Variants in POLG observed in about 807,000 individuals in gnomAD.
POLG encodes DNA polymerase gamma, catalytic subunit.
In POLG, 110 loss-of-function variants were observed where a neutral mutation model predicts 155.4. The ratio of observed to expected loss-of-function variants is 0.71; its 90% CI spans 0.61 to 0.83. The LOEUF (loss-of-function observed/expected upper bound fraction) is 0.83, where lower values mean the gene tolerates loss of function less well. Among genes scored for constraint, POLG ranks in the 40% least tolerant of loss-of-function variants. The pLI is 0.00. For synonymous variants in POLG, 701 were observed against 631.5 expected (o/e 1.11, Z -1.65); for missense variants, 1,685 against 1,627.5 (o/e 1.04, Z -0.61).
At chr15:89,325,193 AGAGAGTGAGTGAGAGAGT>A (rs1567189772) in intron 10 of POLG, among the ~76,000 whole-genome samples, 5 of 84,862 alleles carry the variant, frequency 5.9e-5, no homozygotes, top group Admixed American at 3.2e-4. Context: ...TGAGTGAGTG[AGAGAGTGAGTGAGAGAGT>A]GAGTGAGTGA....
Position 89,321,004 on chromosome 15 carries a change from C to T in POLG, c.2743G>A (p.Ala915Thr), listed in dbSNP as rs764464230. ...AHFAGMHGCT[A>T]FGWMTLQGRK... Reference sequence around the variant, plus strand: ...CCCTGCAGTGTCATCCACCCAAAGGCTGTGCAGCCTGGAAGACAAGCAGGA... The same window carrying T: ...CCCTGCAGTGTCATCCACCCAAAGGTTGTGCAGCCTGGAAGACAAGCAGGA... The change falls in exon 18 of 23, where the codon GCC becomes ACC. Residue 915 changes from alanine to threonine, a missense_variant. Ala to Thr is a moderately conservative substitution (Grantham distance 58, BLOSUM62 0). Transcript: ENST00000268124. 9 of 1,614,034 alleles carry T rather than the reference C, an allele frequency of 5.6e-6. No homozygotes were observed. In the African/African-American group the frequency reaches 1.2e-4, roughly 22 times the overall value.
In POLG at chr15:89,326,628, G is replaced by A. The variant is rs559937676; in HGVS notation, c.1696C>T (p.Leu566Phe). 1.2e-6 allele frequency: 2 copies of A among 1,613,982 alleles called. No homozygotes were observed. The highest frequency in any genetic ancestry group is 1.1e-5 in the South Asian group (1 of 91,088). Residue 566 changes from leucine to phenylalanine, a missense_variant, in exon 9 of 23, where the codon CTT becomes TTT. Around this residue, in one of 3 missense-constraint regions of POLG, gnomAD observed 1,210 missense variants for 1,167.1 expected, o/e 1.04. Transcript: ENST00000268124. ...AGGGCTCACCCAGGGTGTCCAGGAA[G>A]GTGCTGGGGCCGCTTGGGCAGGAGC... is the stretch of plus-strand genomic sequence containing the variant. ...TELLPKRPQHLPGHPGWYRKL... is the reference protein window; with the variant it reads ...TELLPKRPQHFPGHPGWYRKL...
In POLG at chr15:89,328,506, C is replaced by G; in HGVS notation, c.1200G>C (p.Val400=). 6.2e-7 allele frequency: 1 copy of G among 1,613,904 alleles called. No individual in the cohort carries two copies. The highest frequency in any genetic ancestry group is 8.5e-7 in the Non-Finnish European group (1 of 1,180,006). The change falls in exon 6 of 23, where the codon GTG becomes GTC. Residue 400 remains valine, a synonymous_variant. Transcript: ENST00000268124. Reference sequence around the variant, plus strand: ...GCTGGAAAACCTCATGGGTGGCCCACACGTCCTGGGCACAGTACTGCATCA... The same window carrying G: ...GCTGGAAAACCTCATGGGTGGCCCAGACGTCCTGGGCACAGTACTGCATCA... The part of the protein sequence containing the change: ...QDLMQYCAQD[V]WATHEVFQQQ...
chr15:89,319,328 C>G lies in POLG; in HGVS notation c.3004G>C (p.Glu1002Gln). The change falls in exon 19 of 23, where the codon GAG (glutamate) becomes CAG (glutamine). Residue 1002 changes from glutamate to glutamine, a missense_variant. By Grantham distance (29) the Glu-to-Gln change is conservative (BLOSUM62 2). Around this residue, in one of 3 missense-constraint regions of POLG, gnomAD observed 470 missense variants for 439.9 expected, o/e 1.07. Coordinates refer to ENST00000268124, the MANE Select transcript of POLG (RefSeq NM_002693.3). The part of the protein sequence containing the change: ...LRWYRLSDEG[E>Q]WLVRELNLPV... ...AGGTTCAACTCCCTCACCAGCCACT[C>G]GCCCTCATCCGACAGCCGATACCTG... The G allele has an allele frequency of 6.2e-7, 1 of 1,614,124 alleles. No homozygotes were observed.
Position 89,330,216 on chromosome 15 carries a change from C to T in POLG, c.720G>A (p.Ser240=). ...CCTCCAGGGGGATGAGGTCAGCCGG[C>T]GACAGCTGGCTGGTCCAAGAGTAAC... ...EERYSWTSQL[S]PADLIPLEVP... Residue 240 remains serine, a synonymous_variant, in exon 3 of 23, where the codon TCG becomes TCA. Transcript: ENST00000268124. 6.2e-7 allele frequency: 1 copy of T among 1,613,472 alleles called. No homozygotes were observed. Among genetic ancestry groups the T allele is most frequent in the Non-Finnish European group, 8.5e-7 (1 of 1,179,960 alleles).
intron 18 of POLG, among the ~76,000 whole-genome samples, chr15:89,320,232 C>G (rs2055374988): frequency 6.6e-6 from 1 of 152,176 alleles, no homozygotes; most frequent in African/African-American, 2.4e-5. Flanking sequence ...CCTCTCTTCC[C>G]TCAATGTTTT....
At position 89,316,539 on chromosome 15, in the gene POLG, AGTCCACACCGAT is replaced by A; in HGVS notation, c.*200_*211del. The A allele has an allele frequency of 7.1e-7, 1 of 1,398,970 alleles. No individual in the cohort carries two copies. Among genetic ancestry groups the A allele is most frequent in the Non-Finnish European group, 1.0e-6 (1 of 1,003,496 alleles). The allele number at this position is 1,398,970 out of a possible 1,614,324, so 86.7% of individuals were successfully genotyped here. A position where few individuals can be genotyped will look rare whatever the true frequency, so the allele number is the denominator to read the frequency against. On this transcript the variant is annotated 3_prime_UTR_variant, in exon 23 of 23. Transcript: ENST00000268124. ...CAAGCAACAATGCCCCTTGTCCTGT[AGTCCACACCGAT>A]GTTGGCATCTTGGTTCTGAACCCAC...
Position 89,324,080 on chromosome 15 carries a change from A to G in POLG, c.2070+27T>C, listed in dbSNP as rs1259690556. The G allele has an allele frequency of 5.0e-6, 8 of 1,613,658 alleles. No homozygotes were observed. Among genetic ancestry groups the G allele is most frequent in the East Asian group, 2.2e-5 (1 of 44,894 alleles). ...GGAATACAGAGACCTCCCCTCCCCA[A>G]AGCTCAGGTTCAGAGCCTGCCCTCA... On this transcript the variant is annotated intron_variant, in intron 11 of 22. Transcript: ENST00000268124.
intron 6 of POLG, among the ~76,000 whole-genome samples, chr15:89,327,637 T>C (rs906919543): frequency 6.6e-6 from 1 of 152,170 alleles, no homozygotes; most frequent in Non-Finnish European, 1.5e-5. Flanking sequence ...CGTGGAGTAA[T>C]GACTCTGTGC....
At position 89,327,033 on chromosome 15, in the gene POLG, C is replaced by T. The variant is rs768288418; in HGVS notation, c.1464G>A (p.Leu488=). The change falls in exon 8 of 23, where the codon CTG becomes CTA. Residue 488 remains leucine, a synonymous_variant. Coordinates refer to ENST00000268124, the MANE Select transcript of POLG (RefSeq NM_002693.3). ...GCTTAAATTCTTGCAGGTCCCACTC[C>T]AGGTCCCAGAGCCAGGGGTCTTCTT... ...RYKEDPWLWD[L]EWDLQEFKQK... The T allele has an allele frequency of 6.2e-7, 1 of 1,614,220 alleles. No individual in the cohort carries two copies. The highest frequency in any genetic ancestry group is 1.1e-5 in the South Asian group (1 of 91,090).
chr15:89,323,733 G>A (rs1479706705), intron 12 of POLG, 82 bp downstream of exon 12: 4 of 1,186,066 alleles, frequency 3.4e-6, no homozygotes, highest in Non-Finnish European at 5.1e-6. Context: ...AGGGAACTCT[G>A]GCTGGGAAGA....
intron 20 of POLG, 32 bp downstream of exon 20, chr15:89,318,874 GCTCTGCCCTGCCCTCCCTGGGGCCC>G: frequency 1.9e-6 from 3 of 1,592,942 alleles, no homozygotes; most frequent in South Asian, 1.1e-5. Flanking sequence ...TCCACAGGGA[GCTCTGCCCTGCCCTCCCTGGGGCCC>G]CTCTGCCCAT....
chr15:89,326,542 G>A (rs543158694), intron 9 of POLG, 70 bp downstream of exon 9: 4 of 1,536,912 alleles, frequency 2.6e-6, no homozygotes, highest in Admixed American at 1.7e-5. Flanking sequence ...CCAGAACCCA[G>A]ACCAGGGCTG....
rs1057523710 is a variant in POLG at position 89,325,447 on chromosome 15, T to C, written c.1949+3A>G. Reference sequence around the variant, plus strand: ...CCCTTCCTCCCCTGGGCCTAAGCCTTACCTGTAGGGGCAGACCACCCCAGC... The same window carrying C: ...CCCTTCCTCCCCTGGGCCTAAGCCTCACCTGTAGGGGCAGACCACCCCAGC... On this transcript the variant is annotated splice_donor_region_variant and intron_variant, in intron 10 of 22. Transcript: ENST00000268124. 3.1e-6 allele frequency: 5 copies of C among 1,594,610 alleles called. No individual in the cohort carries two copies. Among genetic ancestry groups the C allele is most frequent in the Non-Finnish European group, 4.3e-6 (5 of 1,173,302 alleles).
Position 89,333,315 on chromosome 15 carries a change from C to T in POLG, c.440G>A (p.Ser147Asn), listed in dbSNP as rs865946766. 3 of 1,557,304 alleles carry T rather than the reference C, an allele frequency of 1.9e-6. No homozygotes were observed. The highest frequency in any genetic ancestry group is 1.2e-5 in the South Asian group (1 of 86,310). Reference sequence around the variant, plus strand: ...GTTGGCCGCCTCCAGGTAGGGCAGGCTCTGCTTCTGGGCCAGGAGGCGGAA... The same window carrying T: ...GTTGGCCGCCTCCAGGTAGGGCAGGTTCTGCTTCTGGGCCAGGAGGCGGAA... ...QHFRLLAQKQ[S>N]LPYLEAANLL... Residue 147 changes from serine (S) to asparagine (N), a missense_variant, in exon 2 of 23, where the codon AGC (serine) becomes AAC (asparagine). Ser to Asn is a conservative substitution (Grantham distance 46). This residue lies in a region of POLG where 1,210 missense variants were observed against 1,167.1 expected (regional missense o/e 1.04). Coordinates refer to ENST00000268124, the MANE Select transcript of POLG (RefSeq NM_002693.3).
rs774005462 is a variant in POLG at position 89,320,918 on chromosome 15, A to G, written c.2829T>C (p.Arg943=). Residue 943 remains arginine (R), a synonymous_variant, in exon 18 of 23, where the codon CGT becomes CGC. Coordinates refer to ENST00000268124, the MANE Select transcript of POLG (RefSeq NM_002693.3). ...SKTATTVGIS[R]EHAKIFNYGR... is the part of the protein sequence containing the mutation. ...CGTAGTTGAAGATTTTGGCATGCTC[A>G]CGGCTGATGCCCACAGTAGTGGCTG... 2.4e-5 allele frequency: 39 copies of G among 1,614,022 alleles called. No homozygotes were observed. Among genetic ancestry groups the G allele is most frequent in the Non-Finnish European group, 3.1e-5 (36 of 1,180,026 alleles).
chr15:89,325,129 AGAGAGT>A lies in POLG; in HGVS notation c.1949+315_1949+320del, dbSNP rs1416655622. Reference sequence around the variant, plus strand: ...GTGAGAGAGAGTGAGTGAGTGAGTGAGAGAGTGAGTGAGAGAGTGAGTGAGTGAGTG... The same window carrying A: ...GTGAGAGAGAGTGAGTGAGTGAGTGAGAGTGAGAGAGTGAGTGAGTGAGTG... On this transcript the variant is annotated intron_variant, in intron 10 of 22. Coordinates refer to ENST00000268124, the MANE Select transcript of POLG (RefSeq NM_002693.3). Among the ~76,000 whole-genome samples the A allele has an allele frequency of 4.3e-4, 30 of 69,386 alleles. 8 individuals are homozygous for A. Among genetic ancestry groups the A allele is most frequent in the African/African-American group, 1.3e-3 (24 of 18,578 alleles). The allele number at this position is 69,386 out of a possible 152,430, so 45.5% of individuals were successfully genotyped here.
chr15:89,329,165 C>CCAG, intron 3 of POLG, 55 bp from the exon 4 acceptor site: 1 of 1,484,474 alleles, frequency 6.7e-7, no homozygotes, highest in Non-Finnish European at 9.2e-7. Context: ...AACTGTGGGG[C>CCAG]CAGCCCACCA....
rs754844175 is a variant in POLG, at chr15:89,317,457, A to T, written c.3562T>A (p.Cys1188Ser). The part of the protein sequence containing the change: ...AFFSAVDIDR[C>S]LRKEVTMDCK... ...TCCATGGTCACTTCCTTCCTGAGGCACCGGTCAATATCGACTGCACTGAAA... is the reference window on the plus strand; with the variant it reads ...TCCATGGTCACTTCCTTCCTGAGGCTCCGGTCAATATCGACTGCACTGAAA... The change falls in exon 22 of 23, where the codon TGC becomes AGC. Residue 1188 changes from cysteine (C) to serine (S), a missense_variant. Cys to Ser is a moderately radical substitution (Grantham distance 112). This residue lies in a region of POLG where 470 missense variants were observed against 439.9 expected (regional missense o/e 1.07). Transcript: ENST00000268124. 1 of 1,613,992 alleles carries T rather than the reference A, an allele frequency of 6.2e-7. No individual in the cohort carries two copies. The highest frequency in any genetic ancestry group is 1.1e-5 in the South Asian group (1 of 91,068).
Sources: gnomAD v4.1 joint callset for allele counts (sites outside exome capture counted in the v4.1 genomes callset) on GRCh38, gnomAD v4.1.1 for gene constraint, gnomAD v4.1.1 regional missense constraint, MANE v1.5 for transcripts, NCBI Gene and HGNC (gene_info 2026-07-23, HGNC 2026-07-21) for gene names.